MYH10: variants seen among roughly 807,000 people sequenced by gnomAD.
The protein encoded by MYH10 is myosin heavy chain 10.
In MYH10, 55 loss-of-function variants were observed where a neutral mutation model predicts 257.8. That is an observed-to-expected ratio of 0.21 (90% confidence interval 0.17 to 0.27). MYH10 has a LOEUF of 0.27. Ranked by LOEUF, MYH10 falls within the 10% of genes least tolerant of loss-of-function variation. The probability of loss-of-function intolerance (pLI) is 1.00; values close to 1 mark genes in which losing one functional copy is unlikely to be tolerated. For missense variants in MYH10, 1,631 were observed against 2,500.6 expected (o/e 0.65, Z 7.42); for synonymous variants, 854 against 921.7 (o/e 0.93, Z 1.33).
chr17:8,485,885 G>A (rs1470258791), intron 36 of MYH10, among the ~76,000 whole-genome samples: 1 of 152,210 alleles, frequency 6.6e-6, no homozygotes, highest in Non-Finnish European at 1.5e-5. Flanking sequence ...AATGTTCATA[G>A]AGGCATTATT....
At chr17:8,583,008 T>C (rs915281092) in intron 4 of MYH10, among the ~76,000 whole-genome samples, 1 of 152,170 alleles carries the variant, frequency 6.6e-6, no homozygotes, top group Non-Finnish European at 1.5e-5. Context: ...ATAACATTAG[T>C]AGATGACTTC....
chr17:8,521,365 A>T, intron 17 of MYH10, 80 bp from the exon 18 acceptor site: 2 of 1,423,366 alleles, frequency 1.4e-6, no homozygotes, highest in Admixed American at 3.5e-5. Context: ...GTGAAAGTGC[A>T]GCAGCACAAG....
intron 4 of MYH10, among the ~76,000 whole-genome samples, chr17:8,587,809 T>C (rs1379629392): frequency 6.6e-6 from 1 of 152,224 alleles, no homozygotes; most frequent in African/African-American, 2.4e-5. Context: ...CTTCCCAAAC[T>C]ACCTGAAAGT....
chr17:8,498,615 A>AG (rs888969369), intron 30 of MYH10, among the ~76,000 whole-genome samples: 4 of 151,966 alleles, frequency 2.6e-5, no homozygotes, highest in Non-Finnish European at 5.9e-5. Flanking sequence ...TGGGAGGCTG[A>AG]GGGGGGCGGA....
chr17:8,552,008 C>A lies in MYH10; in HGVS notation c.919+38G>T. 1 of 1,159,358 alleles carries A rather than the reference C, an allele frequency of 8.6e-7. No homozygotes were observed. The highest frequency in any genetic ancestry group is 1.2e-6 in the Non-Finnish European group (1 of 840,472). 71.8% of individuals were successfully genotyped at this position (1,159,358 alleles called of 1,614,324 possible). On this transcript the variant is annotated intron_variant, in intron 9 of 42. Coordinates refer to ENST00000360416, the MANE Select transcript of MYH10 (RefSeq NM_001256012.3). This position sits in a 1 kb window ranked among gnomAD's most constrained non-coding sequence, Gnocchi z 4.8. The stretch of plus-strand genomic sequence containing the variant: ...TCAAAAAAAAATTAAAAGAGATATT[C>A]CAGTGAATATAAAATAGTAAAAACC...
At chr17:8,618,728 T>C (rs1182664747) in intron 2 of MYH10, among the ~76,000 whole-genome samples, 1 of 152,214 alleles carries the variant, frequency 6.6e-6, no homozygotes, top group African/African-American at 2.4e-5. Flanking sequence ...AATATGCAAG[T>C]CTTTCAAATG....
At chr17:8,536,050 T>C (rs2082130496) in intron 14 of MYH10, 119 bp from the exon 15 acceptor site, 36 of 942,282 alleles carry the variant, frequency 3.8e-5, no homozygotes, top group Non-Finnish European at 5.5e-5. Flanking sequence ...AACAAATTGC[T>C]AGGATGGAAA....
rs570977076 is a variant in MYH10, at chr17:8,494,714, G to A, written c.4056+423C>T. On this transcript the variant is annotated intron_variant, in intron 31 of 42. Coordinates refer to ENST00000360416, the MANE Select transcript of MYH10 (RefSeq NM_001256012.3). ...ATCCCTAACGGATGATGCAATACAG[G>A]TCTTAACAGTCTGATAAGCCTCAAC... Among the ~76,000 whole-genome samples the A allele has an allele frequency of 2.6e-5, 4 of 152,298 alleles. No individual in the cohort carries two copies. The East Asian group carries it at 7.7e-4, about 29-fold the overall frequency.
intron 6 of MYH10, among the ~76,000 whole-genome samples, chr17:8,573,196 A>G (rs1176857893): frequency 6.6e-6 from 1 of 152,348 alleles, no homozygotes; most frequent in East Asian, 1.9e-4. Flanking sequence ...GCTATATGAT[A>G]TAGCATGAGT....
rs1321422379 is a variant in MYH10, at chr17:8,623,449, G to A, written c.-31-172C>T. 5.9e-5 allele frequency: 28 copies of A among 471,328 alleles called. No individual in the cohort carries two copies. In the Admixed American group the frequency reaches 1.1e-3, roughly 19 times the overall value. The allele number at this position is 471,328 out of a possible 1,614,324, so 29.2% of individuals were successfully genotyped here. A position where few individuals can be genotyped will look rare whatever the true frequency, so the allele number is the denominator to read the frequency against. On this transcript the variant is annotated intron_variant, in intron 1 of 42. Transcript: ENST00000360416. Reference sequence around the variant, plus strand: ...CGAGTTTCCAAGGTAAATTTCAGCGGTGACCACAAATTATGGCTCTGGTTG... The same window carrying A: ...CGAGTTTCCAAGGTAAATTTCAGCGATGACCACAAATTATGGCTCTGGTTG...
chr17:8,576,598 T>C, intron 6 of MYH10, 45 bp downstream of exon 6: 2 of 1,529,302 alleles, frequency 1.3e-6, no homozygotes, highest in Non-Finnish European at 1.8e-6. Context: ...AGACAGAAAT[T>C]AGTGCAAACA....
intron 2 of MYH10, among the ~76,000 whole-genome samples, chr17:8,612,566 T>C (rs1338413994): frequency 6.6e-6 from 1 of 152,146 alleles, no homozygotes; most frequent in Non-Finnish European, 1.5e-5. Flanking sequence ...TTATCATAGG[T>C]ATGGCCAGGT....
At chr17:8,518,467 A>C (rs117771310) in intron 21 of MYH10, among the ~76,000 whole-genome samples, 164 bp downstream of exon 21, 6 of 152,230 alleles carry the variant, frequency 3.9e-5, no homozygotes, top group Non-Finnish European at 8.8e-5. Flanking sequence ...ACATCCCATT[A>C]CTTAGAATGT....
intron 37 of MYH10, among the ~76,000 whole-genome samples, chr17:8,482,518 G>A (rs1440374601): frequency 6.6e-6 from 1 of 152,194 alleles, no homozygotes; most frequent in African/African-American, 2.4e-5. Context: ...CTGGCCTCTG[G>A]TGTTTTGTCT....
intron 2 of MYH10, among the ~76,000 whole-genome samples, chr17:8,613,906 G>A (rs2085141774): frequency 6.6e-6 from 1 of 151,928 alleles, no homozygotes. Flanking sequence ...AAAAAAAAAG[G>A]CTAATGCAAA....
Position 8,492,371 on chromosome 17 carries a change from A to T in MYH10, c.4597T>A (p.Phe1533Ile). 1.2e-6 allele frequency: 2 copies of T among 1,612,704 alleles called. No individual in the cohort carries two copies. Among genetic ancestry groups the T allele is most frequent in the South Asian group, 1.1e-5 (1 of 91,050 alleles). Residue 1533 changes from phenylalanine (F) to isoleucine (I), a missense_variant, in exon 34 of 43, where the codon TTT (phenylalanine) becomes ATT (isoleucine). By Grantham distance (21) the Phe-to-Ile change is conservative. Transcript: ENST00000360416. ...CGGAGCTGCTTGTTCTGCCTCTCAA[A>T]CTCCTCCTTGGCCTCCAGGGCTTCC... ...LEEALEAKEE[F>I]ERQNKQLRAD...
Position 8,548,727 on chromosome 17 carries a change from AT to A in MYH10, c.979del (p.Ile327PhefsTer19). The A allele has an allele frequency of 6.2e-7, 1 of 1,613,694 alleles. No homozygotes were observed. The highest frequency in any genetic ancestry group is 8.5e-7 in the Non-Finnish European group (1 of 1,179,610). ...ATTATCTTTGTCTTGCTGTCCCGGA[AT>A]AGGAATATAGCCATTGGAGAGAAAC... ...YRFLSNGYIP[I>X]PGQQDKDNFQ... On this transcript the variant is annotated frameshift_variant, in exon 10 of 43. Coordinates refer to ENST00000360416, the MANE Select transcript of MYH10 (RefSeq NM_001256012.3). LOFTEE classifies it high-confidence loss of function.
At position 8,490,615 on chromosome 17, in the gene MYH10, T is replaced by C; in HGVS notation, c.4672-63A>G. The C allele has an allele frequency of 3.9e-6, 6 of 1,541,366 alleles. No homozygotes were observed. The highest frequency in any genetic ancestry group is 5.4e-6 in the Non-Finnish European group (6 of 1,116,066). On this transcript the variant is annotated intron_variant, in intron 34 of 42. Transcript: ENST00000360416. This position sits in a 1 kb window ranked among gnomAD's most constrained non-coding sequence, Gnocchi z 4.1. ...TGGAGGCACATATGAAGAACAGCAG[T>C]CTTACTGTTTTACAGGCCCACTCGT... is the stretch of plus-strand genomic sequence containing the variant.
chr17:8,549,271 A>G (rs1321817840), intron 9 of MYH10, among the ~76,000 whole-genome samples: 1 of 152,240 alleles, frequency 6.6e-6, no homozygotes, highest in South Asian at 2.1e-4. Context: ...TGGACCAAGC[A>G]CGTCCCGAGC....
Sources: allele counts gnomAD v4.1 joint callset (sites outside exome capture counted in the v4.1 genomes callset), GRCh38; gene constraint gnomAD v4.1.1; non-coding constraint Gnocchi (gnomAD v3.1); transcripts MANE v1.5; gene names NCBI Gene and HGNC (gene_info 2026-07-23, HGNC 2026-07-21).